The following ENTPD7 variants were observed in gnomAD, a reference collection of about 807,000 sequenced individuals.
The protein encoded by ENTPD7 is NTPDase 7.
A neutral mutation model predicts 77.9 loss-of-function variants in ENTPD7; 53 were observed. The observed-to-expected ratio is 0.68, with a 90% CI of 0.55 to 0.85. ENTPD7 has a LOEUF of 0.85. Among genes scored for constraint, ENTPD7 ranks in the 40% least tolerant of loss-of-function variants. The probability of loss-of-function intolerance (pLI) is 0.00; values close to 1 mark genes in which losing one functional copy is unlikely to be tolerated. For synonymous variants in ENTPD7, 248 were observed against 274.9 expected (o/e 0.90, Z 0.97); for missense variants, 636 against 743.7 (o/e 0.86, Z 1.68).
chr10:99,679,991 C>A, intron 5 of ENTPD7, 116 bp downstream of exon 5: 1 of 1,227,608 alleles, frequency 8.1e-7, no homozygotes, highest in Non-Finnish European at 1.1e-6. Context: ...AATTATGACA[C>A]AATCATTCAT....
intron 5 of ENTPD7, among the ~76,000 whole-genome samples, chr10:99,681,064 C>G (rs556741313): frequency 5.4e-4 from 82 of 152,130 alleles, no homozygotes; most frequent in Non-Finnish European, 9.9e-4. Context: ...TTAAAAAAGT[C>G]TAAATAGTAT....
rs1197425793 is a variant in ENTPD7, at chr10:99,705,657, G to A, written c.*974G>A. The A allele has an allele frequency of 1.3e-5, 2 of 152,240 alleles. No homozygotes were observed. The highest frequency in any genetic ancestry group is 2.4e-5 in the African/African-American group (1 of 41,456). 9.4% of individuals were successfully genotyped at this position (152,240 alleles called of 1,614,324 possible). ...AAAGAAAAGGGGAACAGAATCAGGA[G>A]AGTGGGCAAAGGCAATAAAATCAAA... On this transcript the variant is annotated 3_prime_UTR_variant, in exon 13 of 13. Transcript: ENST00000370489.
At chr10:99,673,446 G>T (rs1014914516) in intron 3 of ENTPD7, among the ~76,000 whole-genome samples, 1 of 152,344 alleles carries the variant, frequency 6.6e-6, no homozygotes, top group Non-Finnish European at 1.5e-5. Context: ...TAGGTCATAA[G>T]AGGTCAGAGT....
chr10:99,710,743 A>G lies in ENTPD7; in HGVS notation c.*6060A>G. On this transcript the variant is annotated 3_prime_UTR_variant, in exon 13 of 13. Transcript: ENST00000370489. ...CTGTAGATAAACTGGTTATCCTAAA[A>G]TCATGATTATCAGTGTTGATCTCTG... The G allele has an allele frequency of 1.0e-6, 1 of 985,394 alleles. No homozygotes were observed. Among genetic ancestry groups the G allele is most frequent in the Non-Finnish European group, 1.2e-6 (1 of 829,912 alleles). 61.0% of individuals were successfully genotyped at this position (985,394 alleles called of 1,614,324 possible).
At chr10:99,687,259 CTT>C (rs71009768) in intron 6 of ENTPD7, among the ~76,000 whole-genome samples, 9 of 29,528 alleles carry the variant, frequency 3.0e-4, no homozygotes, top group African/African-American at 1.1e-3. Flanking sequence ...TTCTTTCTTT[CTT>C]TTTTTTTTTT....
chr10:99,689,027 T>C (rs2035848121), intron 7 of ENTPD7, among the ~76,000 whole-genome samples: 1 of 151,562 alleles, frequency 6.6e-6, no homozygotes, highest in South Asian at 2.1e-4. Context: ...CTCCCCCATA[T>C]CCCCCCATGT....
At chr10:99,677,428 G>A (rs545842539) in intron 3 of ENTPD7, among the ~76,000 whole-genome samples, 5 of 140,622 alleles carry the variant, frequency 3.6e-5, no homozygotes, top group South Asian at 2.4e-4. Context: ...GCAGTGGCAC[G>A]ATCTCAGCTC....
At position 99,696,109 on chromosome 10, in the gene ENTPD7, C is replaced by T. The variant is rs1011275865; in HGVS notation, c.997C>T (p.Leu333Phe). 1.9e-6 allele frequency: 3 copies of T among 1,612,132 alleles called. No individual in the cohort carries two copies. The African/African-American group carries it at 4.0e-5, about 22-fold the overall frequency. Residue 333 changes from leucine to phenylalanine, a missense_variant, in exon 9 of 13, where the codon CTT becomes TTT. Around this residue, in one of 3 missense-constraint regions of ENTPD7, gnomAD observed 486 missense variants for 556.5 expected, o/e 0.87. Transcript: ENST00000370489. ...RYEDLVLNET[L>F]NKNRLLGQKT... ...CGAAGACCTTGTTCTGAATGAAACT[C>T]TTAACAAAAACAGGTACATTTGATA...
At chr10:99,691,656 A>G in intron 8 of ENTPD7, 138 bp downstream of exon 8, 1 of 867,486 alleles carries the variant, frequency 1.2e-6, no homozygotes, top group Non-Finnish European at 1.7e-6. Flanking sequence ...TATCTTGAGT[A>G]GGTTACCTCT....
Position 99,679,968 on chromosome 10 carries a change from T to TAC in ENTPD7, c.548+94_548+95dup, listed in dbSNP as rs2035731880. 2.1e-6 allele frequency: 3 copies of TAC among 1,446,848 alleles called. No homozygotes were observed. In the African/African-American group the frequency reaches 4.3e-5, roughly 21 times the overall value. 89.6% of individuals were successfully genotyped at this position (1,446,848 alleles called of 1,614,324 possible). A position where few individuals can be genotyped will look rare whatever the true frequency, so the allele number is the denominator to read the frequency against. ...CTGTCCTCTGTGGTTCCCTGGTCTA[T>TAC]ACCCCTAAACCCAATTATGACACAA... On this transcript the variant is annotated intron_variant, in intron 5 of 12. Coordinates refer to ENST00000370489, the MANE Select transcript of ENTPD7 (RefSeq NM_020354.5).
At chr10:99,677,467 C>T (rs906559602) in intron 3 of ENTPD7, among the ~76,000 whole-genome samples, 16 of 149,192 alleles carry the variant, frequency 1.1e-4, no homozygotes, top group African/African-American at 3.0e-4. Context: ...CAGGTTCAAG[C>T]GATTCTCCTG....
chr10:99,691,519 G>C lies in ENTPD7; in HGVS notation c.843+1G>C, dbSNP rs755753985. 1.2e-6 allele frequency: 2 copies of C among 1,612,658 alleles called. No homozygotes were observed. The highest frequency in any genetic ancestry group is 8.5e-7 in the Non-Finnish European group (1 of 1,179,594). On this transcript the variant is annotated splice_donor_variant, in intron 8 of 12. Coordinates refer to ENST00000370489, the MANE Select transcript of ENTPD7 (RefSeq NM_020354.5). LOFTEE classifies it high-confidence loss of function. ...AACCTCTGTCCTTCCTGCAAAGCAG[G>C]TACTTTACCTTTTAGGGAAATTTAG...
At chr10:99,679,150 T>C (rs1564629981) in intron 3 of ENTPD7, 111 bp from the exon 4 acceptor site, 2 of 981,182 alleles carry the variant, frequency 2.0e-6, no homozygotes, top group Non-Finnish European at 3.1e-6. Flanking sequence ...TAGTCCCATG[T>C]GCTTAGCACA....
At chr10:99,691,160 A>AC (rs2133478671) in intron 7 of ENTPD7, among the ~76,000 whole-genome samples, 1 of 152,028 alleles carries the variant, frequency 6.6e-6, no homozygotes, top group African/African-American at 2.4e-5. Flanking sequence ...CTAATTAAAA[A>AC]AAATTTTTTT....
In ENTPD7 at chr10:99,691,032, G is replaced by C. The variant is rs139033055; in HGVS notation, c.710-353G>C. 1.7e-3 allele frequency among the ~76,000 whole-genome samples: 262 copies of C among 152,194 alleles called. 1 individual carries two copies. The highest frequency in any genetic ancestry group is 6.1e-3 in the African/African-American group (252 of 41,508). On this transcript the variant is annotated intron_variant, in intron 7 of 12. Transcript: ENST00000370489. ...TTGAGACAGGTTCTCTGTCACTGAGGCTAGAGTTTAGTGGTGCGATAATAG... is the reference window on the plus strand; with the variant it reads ...TTGAGACAGGTTCTCTGTCACTGAGCCTAGAGTTTAGTGGTGCGATAATAG...
At chr10:99,680,168 G>C (rs1011823791) in intron 5 of ENTPD7, among the ~76,000 whole-genome samples, 6 of 152,176 alleles carry the variant, frequency 3.9e-5, no homozygotes, top group Non-Finnish European at 5.9e-5. Flanking sequence ...AGGGTCACCT[G>C]ATGACCTGGA....
chr10:99,662,972 C>T (rs1234417838), intron 3 of ENTPD7, among the ~76,000 whole-genome samples: 2 of 152,222 alleles, frequency 1.3e-5, no homozygotes, highest in African/African-American at 4.8e-5. Context: ...ATTTACGGGA[C>T]TGAGGCTAGT....
In ENTPD7 at chr10:99,709,829, G is replaced by T. The variant is rs951883284; in HGVS notation, c.*5146G>T. On this transcript the variant is annotated 3_prime_UTR_variant, in exon 13 of 13. Coordinates refer to ENST00000370489, the MANE Select transcript of ENTPD7 (RefSeq NM_020354.5). ...TATTTCATTATTTTCCAGTTTGTCA[G>T]TACCGTTATCAGAGGGACGAGGAAG... is the stretch of plus-strand genomic sequence containing the variant. The T allele has an allele frequency of 8.1e-6, 8 of 985,074 alleles. No individual in the cohort carries two copies. The East Asian group carries it at 9.1e-4, about 112-fold the overall frequency. The allele number at this position is 985,074 out of a possible 1,614,324, so 61.0% of individuals were successfully genotyped here.
rs1305138457 is a variant in ENTPD7, at chr10:99,679,463, C to A, written c.394C>A (p.Pro132Thr). Residue 132 changes from proline (P) to threonine (T), a missense_variant, in exon 4 of 13, where the codon CCA (proline) becomes ACA (threonine). By Grantham distance (38) the Pro-to-Thr change is conservative. Coordinates refer to ENST00000370489, the MANE Select transcript of ENTPD7 (RefSeq NM_020354.5). ...NSQPVVKKIK[P>T]GISAMADTPE... ...CCAACCAGTGGTTAAAAAAATCAAG[C>A]CAGGTACTAATCAGAATATATTTTG... is the stretch of plus-strand genomic sequence containing the variant. 6.2e-7 allele frequency: 1 copy of A among 1,611,306 alleles called. No homozygotes were observed.
Sources: allele counts gnomAD v4.1 joint callset (sites outside exome capture counted in the v4.1 genomes callset), GRCh38; gene constraint gnomAD v4.1.1; regional missense constraint gnomAD v4.1.1; transcripts MANE v1.5; gene names NCBI Gene and HGNC (gene_info 2026-07-23, HGNC 2026-07-21).